PARD3B: variants seen among roughly 807,000 people sequenced by gnomAD.
The protein encoded by PARD3B is par-3 family cell polarity regulator beta.
PARD3B carries 103 observed loss-of-function variants against 130.2 expected under a neutral mutation model. The ratio of observed to expected loss-of-function variants is 0.79; its 90% CI spans 0.67 to 0.93. The LOEUF (loss-of-function observed/expected upper bound fraction) is 0.93. Among genes scored for constraint, PARD3B ranks in the 40% least tolerant of loss-of-function variants. The pLI is 0.00. For missense variants in PARD3B, 1,609 were observed against 1,499.2 expected (o/e 1.07, Z -1.21); for synonymous variants, 583 against 553.2 (o/e 1.05, Z -0.76).
chr2:205,524,758 C>CTCA (rs994420610), intron 21 of PARD3B, among the ~76,000 whole-genome samples: 64 of 152,262 alleles, frequency 4.2e-4, no homozygotes, highest in African/African-American at 1.5e-3. Context: ...CTCCTCCAGC[C>CTCA]TCACCCTTCT....
intron 11 of PARD3B, among the ~76,000 whole-genome samples, chr2:205,166,872 C>T (rs1235037587): frequency 6.6e-6 from 1 of 152,126 alleles, no homozygotes; most frequent in Non-Finnish European, 1.5e-5. Context: ...CCCAGGAGGC[C>T]GTACCAAGGG....
At chr2:204,771,160 G>A (rs2125429344) in intron 2 of PARD3B, among the ~76,000 whole-genome samples, 1 of 152,184 alleles carries the variant, frequency 6.6e-6, no homozygotes, top group East Asian at 1.9e-4. Context: ...GGCTATTAAA[G>A]TAATTACAGT....
intron 3 of PARD3B, among the ~76,000 whole-genome samples, chr2:204,976,603 A>ATTTT (rs35902126): frequency 1.2e-5 from 1 of 83,200 alleles, no homozygotes; most frequent in African/African-American, 4.7e-5. Context: ...TAGGTAATTG[A>ATTTT]TTTTTTTTTT....
At chr2:205,041,625 C>G (rs950618053) in intron 3 of PARD3B, among the ~76,000 whole-genome samples, 4 of 152,018 alleles carry the variant, frequency 2.6e-5, no homozygotes, top group Non-Finnish European at 5.9e-5. Flanking sequence ...ACCTGCCCCC[C>G]ACCCCGAGAG....
intron 3 of PARD3B, among the ~76,000 whole-genome samples, chr2:204,978,478 G>A (rs944457781): frequency 5.9e-5 from 9 of 152,142 alleles, no homozygotes; most frequent in Non-Finnish European, 1.3e-4. Flanking sequence ...CAATATGTCA[G>A]TAGGGCAGTA....
At chr2:204,973,113 A>T (rs922196456) in intron 3 of PARD3B, among the ~76,000 whole-genome samples, 18 of 152,152 alleles carry the variant, frequency 1.2e-4, no homozygotes, top group Non-Finnish European at 2.2e-4. Flanking sequence ...CCTTGCAGCC[A>T]GTCCCCAGCT....
intron 2 of PARD3B, among the ~76,000 whole-genome samples, chr2:204,862,191 T>C (rs1245180025): frequency 6.6e-6 from 1 of 152,160 alleles, no homozygotes. Context: ...TCTTTTTCCT[T>C]GTCCTCATTT....
At chr2:205,306,224 A>G (rs765397963) in intron 18 of PARD3B, among the ~76,000 whole-genome samples, 25 of 152,228 alleles carry the variant, frequency 1.6e-4, no homozygotes, top group Non-Finnish European at 3.1e-4. Flanking sequence ...AATGCAGCCT[A>G]ACAACTCCTT....
At chr2:205,425,987 A>G (rs1484061296) in intron 19 of PARD3B, among the ~76,000 whole-genome samples, 3 of 152,166 alleles carry the variant, frequency 2.0e-5, no homozygotes, top group African/African-American at 7.2e-5. Flanking sequence ...GTACAGAAAT[A>G]TATGTATTAT....
chr2:205,150,489 A>G (rs772568961), intron 10 of PARD3B, among the ~76,000 whole-genome samples: 13 of 152,100 alleles, frequency 8.5e-5, no homozygotes, highest in Admixed American at 6.5e-4. Context: ...GGAGGGAGGC[A>G]TTCAGCATAT....
chr2:204,994,083 G>A (rs1217492909), intron 3 of PARD3B, among the ~76,000 whole-genome samples: 3 of 148,364 alleles, frequency 2.0e-5, no homozygotes, highest in Non-Finnish European at 3.0e-5. Flanking sequence ...ATTTCCTTCA[G>A]TTCTGCTCTG....
chr2:204,973,428 G>C (rs914234856), intron 3 of PARD3B, among the ~76,000 whole-genome samples: 9 of 151,902 alleles, frequency 5.9e-5, no homozygotes, highest in Non-Finnish European at 1.3e-4. Context: ...TTGCAATTCA[G>C]GAATCTTGTT....
chr2:204,800,299 A>G (rs1206505758), intron 2 of PARD3B, among the ~76,000 whole-genome samples: 1 of 152,180 alleles, frequency 6.6e-6, no homozygotes, highest in Non-Finnish European at 1.5e-5. Flanking sequence ...TAGAATTAGT[A>G]GGCTTAAAGA....
intron 3 of PARD3B, among the ~76,000 whole-genome samples, chr2:204,994,848 C>A (rs1164827127): frequency 6.6e-6 from 1 of 151,466 alleles, no homozygotes; most frequent in Non-Finnish European, 1.5e-5. Flanking sequence ...CCTTCTTTGT[C>A]TCTTTTGATC....
intron 16 of PARD3B, among the ~76,000 whole-genome samples, chr2:205,286,058 T>C (rs1270899728): frequency 1.3e-5 from 2 of 152,178 alleles, no homozygotes; most frequent in African/African-American, 4.8e-5. Context: ...CACAAGCTCC[T>C]TCCTAAATTT....
chr2:204,734,509 C>T (rs753331149), intron 2 of PARD3B, among the ~76,000 whole-genome samples: 32 of 152,180 alleles, frequency 2.1e-4, no homozygotes, highest in African/African-American at 2.6e-4. Flanking sequence ...CCCAAATATC[C>T]GTCACCTGGT....
rs2035907017 is a variant in PARD3B at position 205,183,434 on chromosome 2, A to T, written c.1925-2330A>T. 1.3e-5 allele frequency among the ~76,000 whole-genome samples: 2 copies of T among 152,148 alleles called. No individual in the cohort carries two copies. The highest frequency in any genetic ancestry group is 1.3e-4 in the Admixed American group (2 of 15,282). On this transcript the variant is annotated intron_variant, in intron 13 of 22. Coordinates refer to ENST00000406610, the MANE Select transcript of PARD3B (RefSeq NM_001302769.2). This position sits in a 1 kb window ranked among gnomAD's most constrained non-coding sequence, Gnocchi z 5.2. Reference sequence around the variant, plus strand: ...AGGATGTCCATTGTCCCCAATTTACATTACAGTCCTTCTGTTCTGTTTCTC... The same window carrying T: ...AGGATGTCCATTGTCCCCAATTTACTTTACAGTCCTTCTGTTCTGTTTCTC...
chr2:205,300,445 C>T lies in PARD3B; in HGVS notation c.2186-85C>T. The T allele has an allele frequency of 1.5e-6, 2 of 1,300,336 alleles. No homozygotes were observed. Among genetic ancestry groups the T allele is most frequent in the Non-Finnish European group, 2.2e-6 (2 of 916,212 alleles). 80.5% of individuals were successfully genotyped at this position (1,300,336 alleles called of 1,614,324 possible). A position where few individuals can be genotyped will look rare whatever the true frequency, so the allele number is the denominator to read the frequency against. On this transcript the variant is annotated intron_variant, in intron 16 of 22. Transcript: ENST00000406610. This position sits in a 1 kb window ranked among gnomAD's most constrained non-coding sequence, Gnocchi z 4.1. The stretch of plus-strand genomic sequence containing the variant: ...ACTTAACACCCCTTTTTTGGGATGT[C>T]CAGACAGAAATATTCTTAGAACAAT...
In PARD3B at chr2:204,988,048, G is replaced by A. The variant is rs76530117; in HGVS notation, c.394+22725G>A. Among the ~76,000 whole-genome samples the A allele has an allele frequency of 9.5e-3, 1,439 of 152,092 alleles. 17 individuals are homozygous for A. Among genetic ancestry groups the A allele is most frequent in the Non-Finnish European group, 0.016 (1,078 of 68,018 alleles). On this transcript the variant is annotated intron_variant, in intron 3 of 22. Transcript: ENST00000406610. The stretch of plus-strand genomic sequence containing the variant: ...GAGAAACACCTAGAGTCCAGTGGGG[G>A]TCATCACATTGCAGGAGGAGGATGA...
Sources: gnomAD v4.1 joint callset for allele counts (sites outside exome capture counted in the v4.1 genomes callset) on GRCh38, gnomAD v4.1.1 for gene constraint, Gnocchi (gnomAD v3.1) non-coding constraint, MANE v1.5 for transcripts, NCBI Gene and HGNC (gene_info 2026-07-23, HGNC 2026-07-21) for gene names.